CLTRN: variants seen among roughly 807,000 people sequenced by gnomAD.
The protein encoded by CLTRN is collectrin, amino acid transport regulator.
CLTRN carries 12 observed loss-of-function variants against 14.5 expected under a neutral mutation model. That is an observed-to-expected ratio of 0.83 (90% CI 0.53 to 1.34). CLTRN has a LOEUF of 1.34. Ranked by LOEUF, CLTRN falls within the 40% of genes most tolerant of loss-of-function variation. CLTRN has a pLI of 0.00. For missense variants in CLTRN, 154 were observed against 165.1 expected (o/e 0.93, Z 0.37); for synonymous variants, 58 against 56.5 (o/e 1.03, Z -0.12).
At position 15,645,908 on chromosome X, in the gene CLTRN, T is replaced by C. The variant is rs904457363; in HGVS notation, c.204-879A>G. 8.0e-5 allele frequency among the ~76,000 whole-genome samples: 9 copies of C among 113,082 alleles called. No individual in the cohort carries two copies. The East Asian group carries it at 2.2e-3, about 28-fold the overall frequency. On this transcript the variant is annotated intron_variant, in intron 3 of 5. Transcript: ENST00000380342. ...ACATCCATCCTAGAAGAATCTGATA[T>C]GAGTAAAGGATTTGTTTAGAGCATC...
intron 5 of CLTRN, among the ~76,000 whole-genome samples, chrX:15,634,061 C>T (rs1928761476): frequency 1.8e-5 from 2 of 111,965 alleles, no homozygotes; most frequent in African/African-American, 6.5e-5. Context: ...TAAGGTCTAA[C>T]ATTATAACAG....
rs1289408317 is a variant in CLTRN, at chrX:15,628,037, C to T, written c.603G>A (p.Leu201=). ...CATTAATATGCCCTCCCTTCATGTCCAGGGGATCAGAGGGGATGCCATTTT... is the reference window on the plus strand; with the variant it reads ...CATTAATATGCCCTCCCTTCATGTCTAGGGGATCAGAGGGGATGCCATTTT... ...TIENGIPSDP[L]DMKGGHINDA... is the part of the protein sequence containing the mutation. Residue 201 remains leucine (L), a synonymous_variant, in exon 6 of 6, where the codon CTG becomes CTA. Transcript: ENST00000380342. The T allele has an allele frequency of 7.9e-6, 9 of 1,143,177 alleles. No individual in the cohort carries two copies. Among genetic ancestry groups the T allele is most frequent in the Non-Finnish European group, 1.0e-5 (9 of 857,968 alleles). The allele number at this position is 1,143,177 out of a possible 1,213,427, so 94.2% of individuals were successfully genotyped here. A position where few individuals can be genotyped will look rare whatever the true frequency, so the allele number is the denominator to read the frequency against.
At chrX:15,640,628 A>G (rs760571303) in intron 4 of CLTRN, among the ~76,000 whole-genome samples, 18 of 112,975 alleles carry the variant, frequency 1.6e-4, no homozygotes, top group Middle Eastern at 4.6e-3. Flanking sequence ...AAGTAAAATT[A>G]CATGTAAAAT....
chrX:15,645,054 A>G (rs187219255), intron 3 of CLTRN, 25 bp from the exon 4 acceptor site: 3 of 988,890 alleles, frequency 3.0e-6, no homozygotes, highest in East Asian at 3.1e-5. Context: ...AAGAAAAAAT[A>G]CATGAGAAGA....
intron 3 of CLTRN, among the ~76,000 whole-genome samples, chrX:15,655,276 G>T (rs1015051796): frequency 5.3e-5 from 6 of 112,309 alleles, no homozygotes; most frequent in Non-Finnish European, 1.1e-4. Context: ...TATTCTTCCT[G>T]GACCTGGGTC....
chrX:15,652,196 G>A lies in CLTRN; in HGVS notation c.203+6820C>T, dbSNP rs754304009. 4.5e-5 allele frequency among the ~76,000 whole-genome samples: 5 copies of A among 112,172 alleles called. No homozygotes were observed. In the Admixed American group the frequency reaches 4.7e-4, roughly 11 times the overall value. ...TGTGACTACATTGAATGTCCTCCAA[G>A]ATTTGTACAGAATGAAAAATTGATC... On this transcript the variant is annotated intron_variant, in intron 3 of 5. Coordinates refer to ENST00000380342, the MANE Select transcript of CLTRN (RefSeq NM_020665.6).
At chrX:15,654,461 T>C (rs1929300821) in intron 3 of CLTRN, among the ~76,000 whole-genome samples, 1 of 112,503 alleles carries the variant, frequency 8.9e-6, no homozygotes, top group Non-Finnish European at 1.9e-5. Flanking sequence ...CATTTTAAAA[T>C]TCCTGTGAAA....
chrX:15,641,266 A>C (rs1233526409), intron 4 of CLTRN, among the ~76,000 whole-genome samples: 1 of 111,570 alleles, frequency 9.0e-6, no homozygotes, highest in African/African-American at 3.3e-5. Flanking sequence ...TAAACTGGAG[A>C]GTCCTTGGAG....
chrX:15,668,203 T>C (rs1157780047), upstream of CLTRN, among the ~76,000 whole-genome samples: 1 of 111,626 alleles, frequency 9.0e-6, no homozygotes, highest in African/African-American at 3.3e-5. Flanking sequence ...GATCTCTTTA[T>C]ATGTTCTTGT....
chrX:15,663,957 T>C (rs1288445186), intron 2 of CLTRN, among the ~76,000 whole-genome samples: 5 of 112,335 alleles, frequency 4.5e-5, no homozygotes, highest in African/African-American at 1.6e-4. Flanking sequence ...CTATCCCTTA[T>C]TTTCAATGGT....
chrX:15,664,840 C>A (rs908496684), upstream of CLTRN: 4 of 968,034 alleles, frequency 4.1e-6, no homozygotes, highest in African/African-American at 7.8e-5. Flanking sequence ...CTTAAATCTG[C>A]CTTAGCCATT....
At chrX:15,646,475 A>G (rs1224845499) in intron 3 of CLTRN, 29 of 93,645 alleles carry the variant, frequency 3.1e-4, no homozygotes, top group Non-Finnish European at 1.1e-4. Context: ...CCCCCGCCCG[A>G]CCCCCGCGCC....
chrX:15,657,188 G>A (rs1360993430), intron 3 of CLTRN, among the ~76,000 whole-genome samples: 1 of 111,247 alleles, frequency 9.0e-6, no homozygotes, highest in Non-Finnish European at 1.9e-5. Flanking sequence ...ACGAGGTTTT[G>A]CCATGTTGTC....
At chrX:15,644,366 T>G (rs1929009708) in intron 4 of CLTRN, among the ~76,000 whole-genome samples, 1 of 111,679 alleles carries the variant, frequency 9.0e-6, no homozygotes, top group Non-Finnish European at 1.9e-5. Context: ...AAAAATAGAC[T>G]GATGCATCCT....
chrX:15,646,462 A>AAACCCCCGGGCCCCC, intron 3 of CLTRN: 1 of 170,840 alleles, frequency 5.9e-6, no homozygotes, highest in Non-Finnish European at 1.2e-5. Context: ...CCGCGCACCC[A>AAACCCCCGGGCCCCC]CCCCCCCGCC....
chrX:15,668,733 A>C (rs1041119971), upstream of CLTRN, among the ~76,000 whole-genome samples: 3 of 111,918 alleles, frequency 2.7e-5, no homozygotes, highest in African/African-American at 9.7e-5. Context: ...ACCAGAAATA[A>C]AGAGTTCACA....
At chrX:15,657,121 G>C (rs1285524542) in intron 3 of CLTRN, among the ~76,000 whole-genome samples, 1 of 110,623 alleles carries the variant, frequency 9.0e-6, no homozygotes, top group Non-Finnish European at 1.9e-5. Flanking sequence ...CTCCTGAGTA[G>C]CTGGGACTAT....
chrX:15,670,329 A>T (rs1929694332), intron 1 of CLTRN, among the ~76,000 whole-genome samples: 1 of 108,756 alleles, frequency 9.2e-6, no homozygotes, highest in Non-Finnish European at 1.9e-5. Flanking sequence ...ACACACACAC[A>T]CACACACACA....
At chrX:15,661,424 A>T (rs1929503875) in intron 2 of CLTRN, among the ~76,000 whole-genome samples, 1 of 111,921 alleles carries the variant, frequency 8.9e-6, no homozygotes, top group Non-Finnish European at 1.9e-5. Flanking sequence ...ATCAGAACAG[A>T]ACTGATGCAG....
Sources: allele counts gnomAD v4.1 joint callset (sites outside exome capture counted in the v4.1 genomes callset), GRCh38; gene constraint gnomAD v4.1.1; transcripts MANE v1.5; gene names NCBI Gene and HGNC (gene_info 2026-07-23, HGNC 2026-07-21).